Variants in ATF2 observed in about 807,000 individuals in gnomAD.
The protein encoded by ATF2 is activating transcription factor 2, also known as cyclic AMP-dependent transcription factor ATF-2.
Under a neutral mutation model 60.6 loss-of-function variants are expected in ATF2, and 24 were observed. The ratio of observed to expected loss-of-function variants is 0.40; its 90% CI spans 0.29 to 0.56. ATF2 has a LOEUF of 0.56. ATF2 is among the 20% of genes least tolerant of loss of function. The pLI is 0.54. For synonymous variants in ATF2, 206 were observed against 215.4 expected (o/e 0.96, Z 0.38); for missense variants, 433 against 607.7 (o/e 0.71, Z 3.02).
chr2:175,080,669 C>T lies in ATF2; in HGVS notation c.1282G>A (p.Gly428Ser), dbSNP rs777228973. The T allele has an allele frequency of 1.1e-5, 17 of 1,612,460 alleles. No homozygotes were observed. The East Asian group carries it at 3.3e-4, about 32-fold the overall frequency. ...CPVTAMQKKSGYHTADKDDSS... is the reference protein window; with the variant it reads ...CPVTAMQKKSSYHTADKDDSS... ...ATGGAACATTACTCACTATGATAGC[C>T]AGATTTCTTCTGCATGGCGGTTACA... The change falls in exon 13 of 14, where the codon GGC becomes AGC. Residue 428 changes from glycine (G) to serine (S), a missense_variant. Coordinates refer to ENST00000264110, the MANE Select transcript of ATF2 (RefSeq NM_001880.4).
chr2:175,159,330 AAAG>A (rs1219956974), intron 1 of ATF2, among the ~76,000 whole-genome samples: 1 of 152,176 alleles, frequency 6.6e-6, no homozygotes, highest in Admixed American at 6.5e-5. Flanking sequence ...AAAAAAAAAA[AAAG>A]TTTTATATTA....
At chr2:175,083,987 G>A (rs1458131085) in intron 12 of ATF2, among the ~76,000 whole-genome samples, 1 of 152,110 alleles carries the variant, frequency 6.6e-6, no homozygotes, top group Non-Finnish European at 1.5e-5. Flanking sequence ...AAAAAGGCAG[G>A]AAACAACAGG....
intron 4 of ATF2, chr2:175,126,927 T>C (rs1037324370): frequency 1.3e-5 from 2 of 152,150 alleles, no homozygotes; most frequent in Non-Finnish European, 2.9e-5. Context: ...TTTAACTCAG[T>C]ACCAAATCCA....
chr2:175,089,907 C>T (rs1694428053), intron 12 of ATF2, among the ~76,000 whole-genome samples: 1 of 152,096 alleles, frequency 6.6e-6, no homozygotes, highest in South Asian at 2.1e-4. Context: ...TATACCAGTT[C>T]CTATACCTAT....
At chr2:175,130,689 C>A (rs1697666566) in intron 3 of ATF2, among the ~76,000 whole-genome samples, 2 of 152,022 alleles carry the variant, frequency 1.3e-5, no homozygotes, top group African/African-American at 4.8e-5. Context: ...ACTCTTAAAT[C>A]CCTTCTTAAA....
At chr2:175,109,404 G>A (rs1298515363) in intron 10 of ATF2, among the ~76,000 whole-genome samples, 1 of 152,134 alleles carries the variant, frequency 6.6e-6, no homozygotes, top group Non-Finnish European at 1.5e-5. Context: ...CTATTTATAT[G>A]AAATTCTATA....
In ATF2 at chr2:175,145,735, C is replaced by A. The variant is rs571932203; in HGVS notation, c.-44+5325G>T. 2.4e-3 allele frequency among the ~76,000 whole-genome samples: 361 copies of A among 152,220 alleles called. 1 individual carries two copies. The highest frequency in any genetic ancestry group is 8.1e-3 in the African/African-American group (335 of 41,548). The stretch of plus-strand genomic sequence containing the variant: ...AAAGAAGTCCTTCCTTACTTTCTGG[C>A]ACAAGATATTCAAGACGCATCCTGT... On this transcript the variant is annotated intron_variant, in intron 2 of 13. Transcript: ENST00000264110.
chr2:175,133,382 T>C (rs1474847588), intron 3 of ATF2, among the ~76,000 whole-genome samples: 1 of 152,086 alleles, frequency 6.6e-6, no homozygotes. Context: ...TCAACTGCAG[T>C]TAAGTGGGAA....
intron 1 of ATF2, among the ~76,000 whole-genome samples, chr2:175,159,175 CG>C (rs998017739): frequency 6.6e-6 from 1 of 151,866 alleles, no homozygotes; most frequent in African/African-American, 2.4e-5. Context: ...AAAAAATCAG[CG>C]GGGCGTGGTG....
intron 1 of ATF2, among the ~76,000 whole-genome samples, chr2:175,153,240 T>C (rs1699429504): frequency 6.6e-6 from 1 of 152,192 alleles, no homozygotes; most frequent in Non-Finnish European, 1.5e-5. Flanking sequence ...AAGGCACAGA[T>C]GTAAGGAGCC....
chr2:175,090,544 A>G (rs1574337000), intron 12 of ATF2, among the ~76,000 whole-genome samples: 1 of 152,086 alleles, frequency 6.6e-6, no homozygotes, highest in Admixed American at 6.6e-5. Flanking sequence ...AATCCTTGAT[A>G]ATATATCATT....
At chr2:175,081,210 C>T (rs2105539789) in intron 12 of ATF2, among the ~76,000 whole-genome samples, 1 of 152,176 alleles carries the variant, frequency 6.6e-6, no homozygotes. Context: ...TTCCTAGAAA[C>T]CAAGAAAAGC....
chr2:175,092,816 T>G (rs2105588661), intron 12 of ATF2, among the ~76,000 whole-genome samples: 1 of 152,302 alleles, frequency 6.6e-6, no homozygotes, highest in Non-Finnish European at 1.5e-5. Context: ...AACCGGATAG[T>G]TTAGCTACTT....
intron 1 of ATF2, among the ~76,000 whole-genome samples, chr2:175,163,675 G>C (rs1700159723): frequency 6.6e-6 from 1 of 151,964 alleles, no homozygotes; most frequent in African/African-American, 2.4e-5. Flanking sequence ...GCTGGGTGGT[G>C]GCTCATGCCT....
At chr2:175,085,961 T>C (rs1423419105) in intron 12 of ATF2, among the ~76,000 whole-genome samples, 2 of 152,236 alleles carry the variant, frequency 1.3e-5, no homozygotes, top group African/African-American at 4.8e-5. Context: ...CATTCTTATA[T>C]ATAAATTTGC....
intron 10 of ATF2, among the ~76,000 whole-genome samples, chr2:175,100,712 G>A (rs1695256698): frequency 1.3e-5 from 2 of 152,212 alleles, no homozygotes. Flanking sequence ...ATTTGAAGGT[G>A]TTTTTACCTT....
chr2:175,111,956 T>C (rs113125157), intron 9 of ATF2, among the ~76,000 whole-genome samples: 2 of 152,208 alleles, frequency 1.3e-5, no homozygotes, highest in African/African-American at 2.4e-5. Context: ...CAAAGATCTG[T>C]CAAACTTCCA....
At position 175,130,382 on chromosome 2, in the gene ATF2, T is replaced by C. The variant is rs577246902; in HGVS notation, c.33-175A>G. 3.9e-5 allele frequency among the ~76,000 whole-genome samples: 6 copies of C among 152,238 alleles called. No individual in the cohort carries two copies. The East Asian group carries it at 9.7e-4, about 25-fold the overall frequency. On this transcript the variant is annotated intron_variant, in intron 3 of 13. Coordinates refer to ENST00000264110, the MANE Select transcript of ATF2 (RefSeq NM_001880.4). ...TTATTATGAGAGTAGATAAAATACA[T>C]GTAACATGCAGATTTTGCACTATAG...
chr2:175,103,659 TCA>T (rs978428720), intron 10 of ATF2, among the ~76,000 whole-genome samples: 5 of 149,456 alleles, frequency 3.3e-5, no homozygotes, highest in African/African-American at 5.0e-5. Context: ...AAGATATTTC[TCA>T]GTTTGTCACA....
Sources: gnomAD v4.1 joint callset for allele counts (sites outside exome capture counted in the v4.1 genomes callset) on GRCh38, gnomAD v4.1.1 for gene constraint, MANE v1.5 for transcripts, NCBI Gene and HGNC (gene_info 2026-07-23, HGNC 2026-07-21) for gene names.